Variants in FIGN observed in about 807,000 individuals in gnomAD.
FIGN encodes the protein fidgetin, microtubule severing factor.
A neutral mutation model predicts 51.3 loss-of-function variants in FIGN; 11 were observed. The ratio of observed to expected loss-of-function variants is 0.21; its 90% confidence interval spans 0.13 to 0.35. FIGN has a LOEUF of 0.35. FIGN is among the 10% of genes least tolerant of loss of function. FIGN has a pLI of 1.00. For synonymous variants in FIGN, 407 were observed against 363.2 expected, an observed-to-expected ratio of 1.12 and a Z score of -1.37; for missense variants, 857 against 943.6, an observed-to-expected ratio of 0.91 and a Z score of 1.20.
At chr2:163,638,710 T>A (rs867170333) in intron 2 of FIGN, among the ~76,000 whole-genome samples, 18 of 152,166 alleles carry the variant, frequency 1.2e-4, no homozygotes, top group African/African-American at 4.1e-4. Context: ...TCACATGCTT[T>A]ATGGTTAGTT....
At chr2:163,730,197 C>T (rs912403516) in intron 2 of FIGN, among the ~76,000 whole-genome samples, 2 of 152,164 alleles carry the variant, frequency 1.3e-5, no homozygotes, top group Non-Finnish European at 2.9e-5. Flanking sequence ...CTCCTTATTC[C>T]TGCTATTTTA....
intron 2 of FIGN, among the ~76,000 whole-genome samples, chr2:163,694,711 T>G (rs984479921): frequency 6.6e-6 from 1 of 152,194 alleles, no homozygotes; most frequent in African/African-American, 2.4e-5. Context: ...ATGGCTGTGC[T>G]CAATCATTTT....
At chr2:163,633,328 A>G (rs1280337678) in intron 2 of FIGN, among the ~76,000 whole-genome samples, 1 of 152,194 alleles carries the variant, frequency 6.6e-6, no homozygotes, top group Non-Finnish European at 1.5e-5. Flanking sequence ...GGGCCAGGAA[A>G]TGTTCTAAGT....
At chr2:163,668,338 C>G (rs1422129926) in intron 2 of FIGN, among the ~76,000 whole-genome samples, 1 of 152,002 alleles carries the variant, frequency 6.6e-6, no homozygotes, top group Non-Finnish European at 1.5e-5. Flanking sequence ...TAAAGGATAC[C>G]AAGAAGAAAA....
intron 2 of FIGN, among the ~76,000 whole-genome samples, chr2:163,657,453 T>C (rs569531777): frequency 4.0e-5 from 6 of 151,866 alleles, no homozygotes; most frequent in African/African-American, 1.4e-4. Context: ...AGGCATATCC[T>C]CACATAATGT....
At chr2:163,675,706 CTTTTTTTTTT>C (rs900840520) in intron 2 of FIGN, among the ~76,000 whole-genome samples, 1,202 of 100,542 alleles carry the variant, frequency 0.012, 26 homozygotes, top group African/African-American at 0.043. Flanking sequence ...TTCTTTCTTT[CTTTTTTTTTT>C]TTTTTTTTTT....
rs768060260 is a variant in FIGN at position 163,611,390 on chromosome 2, T to C, written c.442A>G (p.Ile148Val). Residue 148 changes from isoleucine to valine, a missense_variant, in exon 3 of 3, where the codon ATA becomes GTA. By Grantham distance (29) the Ile-to-Val change is conservative (BLOSUM62 3). Coordinates refer to ENST00000333129, the MANE Select transcript of FIGN (RefSeq NM_018086.4). ...ALPPADVSASIGSSPGVASNL... is the reference protein window; with the variant it reads ...ALPPADVSASVGSSPGVASNL... ...CTGGCTACCCCAGGAGAGCTTCCTA[T>C]ACTCGCAGAGACATCTGCTGGAGGG... 2 of 1,614,022 alleles carry C rather than the reference T, an allele frequency of 1.2e-6. No individual in the cohort carries two copies. Among genetic ancestry groups the C allele is most frequent in the South Asian group, 1.1e-5 (1 of 91,084 alleles).
intron 2 of FIGN, among the ~76,000 whole-genome samples, chr2:163,686,032 G>A (rs892449358): frequency 2.6e-5 from 4 of 152,188 alleles, no homozygotes; most frequent in East Asian, 1.9e-4. Flanking sequence ...CGTCAATTTC[G>A]CAGTAAGCCT....
intron 2 of FIGN, among the ~76,000 whole-genome samples, chr2:163,715,735 T>G (rs1684657395): frequency 6.6e-6 from 1 of 152,208 alleles, no homozygotes; most frequent in African/African-American, 2.4e-5. Context: ...GGATATGCAT[T>G]AGAACACCCA....
intron 1 of FIGN, among the ~76,000 whole-genome samples, chr2:163,735,597 T>C: frequency 6.6e-6 from 1 of 152,194 alleles, no homozygotes; most frequent in Non-Finnish European, 1.5e-5. Flanking sequence ...CTTAATCCCA[T>C]ACTATTGTTA....
intron 2 of FIGN, among the ~76,000 whole-genome samples, chr2:163,671,780 A>G (rs890113687): frequency 1.3e-5 from 2 of 152,216 alleles, no homozygotes; most frequent in African/African-American, 4.8e-5. Context: ...TCTGATTCAC[A>G]TTAAAAAGCA....
chr2:163,673,865 A>G (rs920821085), intron 2 of FIGN, among the ~76,000 whole-genome samples: 1 of 152,168 alleles, frequency 6.6e-6, no homozygotes, highest in African/African-American at 2.4e-5. Context: ...TTAAAGGTGA[A>G]CATGTATTAC....
At chr2:163,668,014 A>AACCCCCC (rs1491089658) in intron 2 of FIGN, among the ~76,000 whole-genome samples, 13 of 106,878 alleles carry the variant, frequency 1.2e-4, no homozygotes, top group East Asian at 3.8e-4. Context: ...CCTACCTCCA[A>AACCCCCC]CCCCCCCCCC....
At chr2:163,694,825 A>G (rs888246086) in intron 2 of FIGN, among the ~76,000 whole-genome samples, 8 of 152,054 alleles carry the variant, frequency 5.3e-5, no homozygotes, top group Non-Finnish European at 8.8e-5. Context: ...TCCTTTCTAA[A>G]AATTGTGTTA....
rs147909003 is a variant in FIGN at position 163,662,202 on chromosome 2, G to T, written c.26-50396C>A. Among the ~76,000 whole-genome samples, 3 of 152,294 alleles carry T rather than the reference G, an allele frequency of 2.0e-5. No individual in the cohort carries two copies. The South Asian group carries it at 6.2e-4, about 32-fold the overall frequency. Reference sequence around the variant, plus strand: ...GAGATGAGGAACTTGTTGGGAACTGGAGTAAAGGTGAATCTTGTTATGTTT... The same window carrying T: ...GAGATGAGGAACTTGTTGGGAACTGTAGTAAAGGTGAATCTTGTTATGTTT... On this transcript the variant is annotated intron_variant, in intron 2 of 2. Coordinates refer to ENST00000333129, the MANE Select transcript of FIGN (RefSeq NM_018086.4).
chr2:163,650,961 A>G (rs150400805), intron 2 of FIGN, among the ~76,000 whole-genome samples: 84 of 152,338 alleles, frequency 5.5e-4, no homozygotes, highest in African/African-American at 1.9e-3. Context: ...GAGCTAAAGA[A>G]ATAGTTTCTG....
chr2:163,614,679 C>A (rs920707277), intron 2 of FIGN, among the ~76,000 whole-genome samples: 4 of 152,064 alleles, frequency 2.6e-5, no homozygotes, highest in Non-Finnish European at 5.9e-5. Context: ...ACAACACACA[C>A]ACATACGTAC....
intron 2 of FIGN, among the ~76,000 whole-genome samples, chr2:163,644,837 A>G (rs907377124): frequency 6.6e-6 from 1 of 152,208 alleles, no homozygotes; most frequent in Non-Finnish European, 1.5e-5. Flanking sequence ...CCCACATTAT[A>G]TGATTTGATT....
chr2:163,622,031 A>G (rs1421657912), intron 2 of FIGN, among the ~76,000 whole-genome samples: 6 of 152,210 alleles, frequency 3.9e-5, no homozygotes, highest in Non-Finnish European at 7.3e-5. Flanking sequence ...TGGCTGATCC[A>G]GTCCTGTGTG....
Sources: allele counts gnomAD v4.1 joint callset (sites outside exome capture counted in the v4.1 genomes callset), GRCh38; gene constraint gnomAD v4.1.1; transcripts MANE v1.5; gene names NCBI Gene and HGNC (gene_info 2026-07-23, HGNC 2026-07-21).